NTRK3: variants seen among roughly 807,000 people sequenced by gnomAD.
The protein encoded by NTRK3 is NT-3 growth factor receptor.
In NTRK3, 24 loss-of-function variants were observed where a neutral mutation model predicts 91.7. The ratio of observed to expected loss-of-function variants is 0.26; its 90% CI spans 0.19 to 0.37. NTRK3 has a LOEUF of 0.37. Ranked by LOEUF, NTRK3 falls within the 10% of genes least tolerant of loss-of-function variation. The pLI is 1.00. For synonymous variants in NTRK3, 483 were observed against 404.0 expected, an observed-to-expected ratio of 1.20 and a Z score of -2.34; for missense variants, 880 against 1,068.9, an observed-to-expected ratio of 0.82 and a Z score of 2.46.
At chr15:87,933,660 A>T (rs1454341413) in intron 15 of NTRK3, among the ~76,000 whole-genome samples, 9 of 152,242 alleles carry the variant, frequency 5.9e-5, no homozygotes, top group African/African-American at 1.9e-4. Context: ...GCAACACAAT[A>T]AAATATCCTT....
At chr15:88,124,970 A>G (rs1050766818) in intron 13 of NTRK3, among the ~76,000 whole-genome samples, 3 of 152,186 alleles carry the variant, frequency 2.0e-5, no homozygotes, top group Non-Finnish European at 4.4e-5. Context: ...GGCACCCTGT[A>G]CCCATTTTTT....
chr15:88,175,402 A>T (rs2045906399), intron 5 of NTRK3, among the ~76,000 whole-genome samples: 1 of 152,252 alleles, frequency 6.6e-6, no homozygotes, highest in Admixed American at 6.5e-5. Context: ...AGAGAGAGAC[A>T]TAAAGAGATA....
At chr15:88,059,832 T>G (rs973508286) in intron 13 of NTRK3, among the ~76,000 whole-genome samples, 4 of 152,140 alleles carry the variant, frequency 2.6e-5, no homozygotes, top group African/African-American at 9.7e-5. Flanking sequence ...TAAAATGAGG[T>G]CATTAGGGCA....
intron 17 of NTRK3, among the ~76,000 whole-genome samples, chr15:87,920,023 G>T (rs1023503111): frequency 1.3e-5 from 2 of 152,132 alleles, no homozygotes; most frequent in Non-Finnish European, 2.9e-5. Flanking sequence ...AAACCCCAAA[G>T]AGATCATATG....
At chr15:87,961,753 G>C (rs1277168128) in intron 14 of NTRK3, among the ~76,000 whole-genome samples, 1 of 152,274 alleles carries the variant, frequency 6.6e-6, no homozygotes, top group Non-Finnish European at 1.5e-5. Flanking sequence ...TGGTGTGTTG[G>C]TGAGAGCACC....
chr15:88,184,200 C>T (rs747923335), intron 4 of NTRK3, 25 bp downstream of exon 4: 6 of 1,611,238 alleles, frequency 3.7e-6, no homozygotes, highest in African/African-American at 1.3e-5. Flanking sequence ...CAGGGAAAGG[C>T]CTCTCTGTGG....
At chr15:87,962,593 C>A (rs1475943945) in intron 14 of NTRK3, among the ~76,000 whole-genome samples, 1 of 152,192 alleles carries the variant, frequency 6.6e-6, no homozygotes, top group African/African-American at 2.4e-5. Flanking sequence ...TTCCTTCCAG[C>A]TGGTTGACTT....
At chr15:88,193,134 C>G (rs2047544186) in intron 3 of NTRK3, among the ~76,000 whole-genome samples, 2 of 152,072 alleles carry the variant, frequency 1.3e-5, no homozygotes, top group Non-Finnish European at 2.9e-5. Context: ...ATGTAGCCAC[C>G]CAGCTGCCCC....
intron 17 of NTRK3, among the ~76,000 whole-genome samples, chr15:87,919,369 C>T (rs2067687205): frequency 6.6e-6 from 1 of 152,184 alleles, no homozygotes; most frequent in Non-Finnish European, 1.5e-5. Context: ...ATAACTTCAT[C>T]ACTTCATTGT....
chr15:88,056,072 C>G (rs1329050997), intron 13 of NTRK3, among the ~76,000 whole-genome samples: 1 of 151,638 alleles, frequency 6.6e-6, no homozygotes, highest in Non-Finnish European at 1.5e-5. Flanking sequence ...AACAAAGGAG[C>G]ATGGCAGGCC....
intron 3 of NTRK3, among the ~76,000 whole-genome samples, chr15:88,198,894 C>T (rs1419937980): frequency 6.6e-6 from 1 of 152,210 alleles, no homozygotes; most frequent in Non-Finnish European, 1.5e-5. Flanking sequence ...CTCAGAGTCT[C>T]ATCCTGCACA....
At chr15:88,134,976 G>A in intron 10 of NTRK3, 125 bp downstream of exon 10, 1 of 1,137,710 alleles carries the variant, frequency 8.8e-7, no homozygotes, top group Non-Finnish European at 1.3e-6. Context: ...GTTCCAGTGT[G>A]TGTTTTGTTG....
At chr15:88,127,171 G>C (rs1298584084) in exon 12 of NTRK3, 47 of 1,613,720 alleles carry the variant, frequency 2.9e-5, no homozygotes, top group Non-Finnish European at 3.7e-5. Flanking sequence ...CCCCAAAAGT[G>C]TCTTCTTCTG....
intron 14 of NTRK3, among the ~76,000 whole-genome samples, chr15:88,025,307 C>G (rs528573539): frequency 2.0e-5 from 3 of 152,206 alleles, no homozygotes; most frequent in African/African-American, 7.2e-5. Context: ...CACACAAAAC[C>G]TGCACATGAA....
chr15:87,924,620 A>C (rs887074402), intron 17 of NTRK3, among the ~76,000 whole-genome samples: 30 of 152,196 alleles, frequency 2.0e-4, no homozygotes, highest in African/African-American at 7.2e-4. Flanking sequence ...CTGCTTGATT[A>C]GATAAGACTT....
chr15:88,062,360 G>A lies in NTRK3; in HGVS notation c.1397-29315C>T, dbSNP rs79242243. 1.2e-3 allele frequency among the ~76,000 whole-genome samples: 181 copies of A among 152,278 alleles called. 2 individuals carry two copies. In the East Asian group the frequency reaches 0.03, roughly 25 times the overall value. On this transcript the variant is annotated intron_variant, in intron 13 of 18. Transcript: ENST00000394480. ...AGGTGCCTCCTACCCCTTTCCCATT[G>A]TTATTAGCTGAGCACATGTCTTCCC...
chr15:87,980,621 G>A lies in NTRK3; in HGVS notation c.1586-39868C>T, dbSNP rs116630393. Among the ~76,000 whole-genome samples, 315 of 152,286 alleles carry A rather than the reference G, an allele frequency of 2.1e-3. 2 individuals carry two copies. Among genetic ancestry groups the A allele is most frequent in the Middle Eastern group, 0.01 (3 of 294 alleles). On this transcript the variant is annotated intron_variant, in intron 14 of 18. Transcript: ENST00000394480. ...GGAAGCTATGCTCAGGAATGTAGAG[G>A]TCATAAGGGGCCTCTGGACATTGGG... is the stretch of plus-strand genomic sequence containing the variant.
At chr15:88,004,714 A>C (rs781111199) in intron 14 of NTRK3, among the ~76,000 whole-genome samples, 3 of 152,200 alleles carry the variant, frequency 2.0e-5, no homozygotes, top group Non-Finnish European at 2.9e-5. Flanking sequence ...ATTTATAAGG[A>C]TTTAGCAGGT....
At chr15:88,218,844 C>A (rs1403721353) in intron 3 of NTRK3, among the ~76,000 whole-genome samples, 1 of 152,218 alleles carries the variant, frequency 6.6e-6, no homozygotes, top group East Asian at 1.9e-4. Context: ...GCTCAGGAAT[C>A]CCTTGCCCTA....
Sources: gnomAD v4.1 joint callset for allele counts (sites outside exome capture counted in the v4.1 genomes callset) on GRCh38, gnomAD v4.1.1 for gene constraint, MANE v1.5 for transcripts, NCBI Gene and HGNC (gene_info 2026-07-23, HGNC 2026-07-21) for gene names.